ADGRB1: variants seen among roughly 807,000 people sequenced by gnomAD.
The protein encoded by ADGRB1 is adhesion G protein-coupled receptor B1.
A neutral mutation model predicts 175.7 loss-of-function variants in ADGRB1; 36 were observed. That is an observed-to-expected ratio of 0.20 (90% CI 0.16 to 0.27). The LOEUF is 0.27. Ranked by LOEUF, ADGRB1 falls within the 10% of genes least tolerant of loss-of-function variation. The pLI, the probability that ADGRB1 is intolerant of heterozygous loss-of-function variation, is 1.00. For missense variants in ADGRB1, 1,731 were observed against 2,255.3 expected (o/e 0.77, Z 4.71); for synonymous variants, 1,054 against 979.4 (o/e 1.08, Z -1.42).
intron 1 of ADGRB1, among the ~76,000 whole-genome samples, chr8:142,452,773 C>T (rs1270563209): frequency 6.6e-6 from 1 of 151,960 alleles, no homozygotes; most frequent in Non-Finnish European, 1.5e-5. Flanking sequence ...CGCCCCCGGT[C>T]GGCCCGACCC....
At chr8:142,498,730 C>G (rs1842342414) in intron 17 of ADGRB1, among the ~76,000 whole-genome samples, 1 of 152,126 alleles carries the variant, frequency 6.6e-6, no homozygotes, top group Non-Finnish European at 1.5e-5. Flanking sequence ...GCCTACCACT[C>G]CCCGCACACC....
Position 142,488,502 on chromosome 8 carries a change from T to C in ADGRB1, c.2447T>C (p.Leu816Pro). Residue 816 changes from leucine to proline, a missense_variant, in exon 14 of 31, where the codon CTG becomes CCG. By Grantham distance (98) the Leu-to-Pro change is moderately conservative (BLOSUM62 -3). Around this residue, in one of 8 missense-constraint regions of ADGRB1, gnomAD observed 388 missense variants for 630.9 expected, o/e 0.61. Transcript: ENST00000517894. ...TCCAAGAGTGTCTTCTCCACGGGGC[T>C]GACAGGTGAGGGGCCCAGGGAGTGG... Reference protein sequence around the residue: ...TVSKSVFSTGLTEADEASVFV... With the variant: ...TVSKSVFSTGPTEADEASVFV... The C allele has an allele frequency of 3.1e-6, 5 of 1,612,462 alleles. No individual in the cohort carries two copies. The highest frequency in any genetic ancestry group is 4.2e-6 in the Non-Finnish European group (5 of 1,179,632).
chr8:142,476,830 G>C, intron 4 of ADGRB1, 135 bp downstream of exon 4: 1 of 1,020,148 alleles, frequency 9.8e-7, no homozygotes, highest in South Asian at 1.7e-5. Flanking sequence ...CAGGGCTCTT[G>C]TCTCCTGACT....
At chr8:142,479,263 GTGGC>G (rs1268627326) in intron 7 of ADGRB1, 56 bp from the exon 8 acceptor site, 17 of 1,414,170 alleles carry the variant, frequency 1.2e-5, no homozygotes, top group Non-Finnish European at 1.4e-5. Context: ...TCCTGTCACT[GTGGC>G]TCCTGGACCC....
chr8:142,473,257 A>AG (rs1167235352), intron 2 of ADGRB1, among the ~76,000 whole-genome samples: 2 of 151,980 alleles, frequency 1.3e-5, no homozygotes, highest in Non-Finnish European at 2.9e-5. Flanking sequence ...TGGGACGGCG[A>AG]GGGGGGTGCC....
At chr8:142,527,084 G>A (rs112932313) in intron 24 of ADGRB1, among the ~76,000 whole-genome samples, 2,025 of 152,306 alleles carry the variant, frequency 0.013, 45 homozygotes, top group African/African-American at 0.047. Context: ...CAGAGGACAG[G>A]TGGAGCTGAT....
At position 142,476,579 on chromosome 8, in the gene ADGRB1, C is replaced by A. The variant is rs750675270; in HGVS notation, c.947-6C>A. 6.5e-7 allele frequency: 1 copy of A among 1,548,452 alleles called. No homozygotes were observed. The highest frequency in any genetic ancestry group is 1.2e-5 in the South Asian group (1 of 84,010). ...GCTCCTGTGCTGACCTAAGCCCGTCCTGCAGCCGCTGGGCGCACCAGCTCC... is the reference window on the plus strand; with the variant it reads ...GCTCCTGTGCTGACCTAAGCCCGTCATGCAGCCGCTGGGCGCACCAGCTCC... On this transcript the variant is annotated splice_polypyrimidine_tract_variant and splice_region_variant and intron_variant, in intron 3 of 30. Transcript: ENST00000517894.
chr8:142,515,675 G>A (rs2132072925), intron 18 of ADGRB1, among the ~76,000 whole-genome samples: 1 of 151,916 alleles, frequency 6.6e-6, no homozygotes, highest in East Asian at 1.9e-4. Context: ...CCTAGCCCTG[G>A]ACCTCAGCTC....
intron 1 of ADGRB1, among the ~76,000 whole-genome samples, chr8:142,454,807 A>G (rs750311410): frequency 7.9e-5 from 12 of 151,578 alleles, no homozygotes; most frequent in South Asian, 2.1e-4. Flanking sequence ...ATACTAACTC[A>G]TTTCTGTTAA....
At chr8:142,501,267 T>C (rs1020259090) in intron 17 of ADGRB1, among the ~76,000 whole-genome samples, 1 of 150,840 alleles carries the variant, frequency 6.6e-6, no homozygotes, top group African/African-American at 2.5e-5. Flanking sequence ...GCAGTGGTGG[T>C]GGTGGTGGTG....
chr8:142,508,900 TCA>T (rs1324592864), intron 17 of ADGRB1, among the ~76,000 whole-genome samples: 1 of 152,122 alleles, frequency 6.6e-6, no homozygotes, highest in Non-Finnish European at 1.5e-5. Context: ...CTTCCCAGGG[TCA>T]CAGAGCCCAG....
chr8:142,543,758 A>T lies in ADGRB1; in HGVS notation c.4557+50A>T. 6.8e-7 allele frequency: 1 copy of T among 1,475,384 alleles called. No individual in the cohort carries two copies. The highest frequency in any genetic ancestry group is 9.3e-7 in the Non-Finnish European group (1 of 1,079,536). The allele number at this position is 1,475,384 out of a possible 1,614,324, so 91.4% of individuals were successfully genotyped here. On this transcript the variant is annotated intron_variant, in intron 30 of 30. Coordinates refer to ENST00000517894, the MANE Select transcript of ADGRB1 (RefSeq NM_001702.3). This position sits in a 1 kb window ranked among gnomAD's most constrained non-coding sequence, Gnocchi z 4.4. Reference sequence around the variant, plus strand: ...GTGGGGAGAGCCCTTAGGTCAGGCCACCGTCTCCCTTCTTCCCTGGATTTG... The same window carrying T: ...GTGGGGAGAGCCCTTAGGTCAGGCCTCCGTCTCCCTTCTTCCCTGGATTTG...
chr8:142,450,805 A>C (rs1348685382), intron 1 of ADGRB1, among the ~76,000 whole-genome samples: 2 of 151,258 alleles, frequency 1.3e-5, no homozygotes, highest in East Asian at 3.9e-4. Context: ...TGCGCCCCCC[A>C]CCCCCACGCG....
intron 1 of ADGRB1, among the ~76,000 whole-genome samples, chr8:142,457,190 G>A (rs912096008): frequency 7.9e-5 from 12 of 152,182 alleles, no homozygotes; most frequent in African/African-American, 2.7e-4. Flanking sequence ...AAGATGAGGG[G>A]TAACACAGCT....
intron 2 of ADGRB1, among the ~76,000 whole-genome samples, 172 bp from the exon 3 acceptor site, chr8:142,475,302 C>A (rs1169670021): frequency 6.6e-6 from 1 of 152,220 alleles, no homozygotes; most frequent in Non-Finnish European, 1.5e-5. Context: ...AGAGGGGGCC[C>A]GGGAGCTGGG....
chr8:142,519,191 G>A (rs1843622803), intron 19 of ADGRB1, among the ~76,000 whole-genome samples: 2 of 152,174 alleles, frequency 1.3e-5, no homozygotes, highest in African/African-American at 4.8e-5. Context: ...GGGGTTCAGG[G>A]GCTCTGAACT....
rs1404520486 is a variant in ADGRB1 at position 142,510,498 on chromosome 8, C to T, written c.2676-434C>T. Among the ~76,000 whole-genome samples the T allele has an allele frequency of 6.6e-6, 1 of 151,090 alleles. No individual in the cohort carries two copies. Among genetic ancestry groups the T allele is most frequent in the Non-Finnish European group, 1.5e-5 (1 of 67,678 alleles). ...CCCCGCGCCCCCAGGCCACACCCGG[C>T]TCGCACCCTCCCCGCTCCACGTGCG... On this transcript the variant is annotated intron_variant, in intron 17 of 30. Coordinates refer to ENST00000517894, the MANE Select transcript of ADGRB1 (RefSeq NM_001702.3). This position sits in a 1 kb window ranked among gnomAD's most constrained non-coding sequence, Gnocchi z 6.3.
chr8:142,479,431 C>T lies in ADGRB1; in HGVS notation c.1670C>T (p.Ala557Val). 1.3e-6 allele frequency: 2 copies of T among 1,548,566 alleles called. No homozygotes were observed. The highest frequency in any genetic ancestry group is 2.2e-5 in the Admixed American group (1 of 45,096). Residue 557 changes from alanine to valine, a missense_variant, in exon 8 of 31, where the codon GCA becomes GTA. Around this residue, in one of 8 missense-constraint regions of ADGRB1, gnomAD observed 388 missense variants for 630.9 expected, o/e 0.61. Coordinates refer to ENST00000517894, the MANE Select transcript of ADGRB1 (RefSeq NM_001702.3). ...RVCSGPFFGG[A>V]ACQGPQDEYR... Reference sequence around the variant, plus strand: ...TGCTCTGGGCCCTTCTTCGGGGGAGCAGCCTGCCAGGGCCCCCAGGATGAG... The same window carrying T: ...TGCTCTGGGCCCTTCTTCGGGGGAGTAGCCTGCCAGGGCCCCCAGGATGAG...
intron 25 of ADGRB1, among the ~76,000 whole-genome samples, chr8:142,534,902 G>A (rs944673136): frequency 2.6e-5 from 4 of 152,204 alleles, no homozygotes; most frequent in African/African-American, 4.8e-5. Context: ...CACCTGCTCC[G>A]TTCCAGACAG....
Sources: gnomAD v4.1 joint callset for allele counts (sites outside exome capture counted in the v4.1 genomes callset) on GRCh38, gnomAD v4.1.1 for gene constraint, gnomAD v4.1.1 regional missense constraint, Gnocchi (gnomAD v3.1) non-coding constraint, MANE v1.5 for transcripts, NCBI Gene and HGNC (gene_info 2026-07-23, HGNC 2026-07-21) for gene names.